ARHGEF11: variants seen among roughly 807,000 people sequenced by gnomAD.
The protein encoded by ARHGEF11 is Rho guanine exchange factor (GEF) 11.
Under a neutral mutation model 193.7 loss-of-function variants are expected in ARHGEF11, and 55 were observed. The observed-to-expected ratio is 0.28, with a 90% CI of 0.23 to 0.36. The LOEUF is 0.36. Ranked by LOEUF, ARHGEF11 falls within the 10% of genes least tolerant of loss-of-function variation. ARHGEF11 has a pLI of 1.00. For synonymous variants in ARHGEF11, 693 were observed against 768.0 expected (o/e 0.90, Z 1.62); for missense variants, 1,723 against 2,005.6 (o/e 0.86, Z 2.69).
intron 1 of ARHGEF11, among the ~76,000 whole-genome samples, chr1:157,041,776 G>C (rs1482319295): frequency 6.6e-6 from 1 of 152,210 alleles, no homozygotes; most frequent in Non-Finnish European, 1.5e-5. Context: ...GTCCCTGCTT[G>C]TGAGGGGCTT....
chr1:156,966,541 A>C (rs1449578098), intron 11 of ARHGEF11, among the ~76,000 whole-genome samples: 1 of 152,206 alleles, frequency 6.6e-6, no homozygotes, highest in Non-Finnish European at 1.5e-5. Context: ...CACCTGTTTA[A>C]CTCCTGACAC....
At position 156,991,710 on chromosome 1, in the gene ARHGEF11, A is replaced by ATTT. The variant is rs57140356; in HGVS notation, c.33-5540_33-5538dup. ...TTAGGGTTTTCTTTTTTTCAAGCTTATTTTTTTTTTTTTTTTTTTTTTTTG... is the reference window on the plus strand; with the variant it reads ...TTAGGGTTTTCTTTTTTTCAAGCTTATTTTTTTTTTTTTTTTTTTTTTTTTTTG... On this transcript the variant is annotated intron_variant, in intron 1 of 40. Coordinates refer to ENST00000368194, the MANE Select transcript of ARHGEF11 (RefSeq NM_198236.3). Among the ~76,000 whole-genome samples the ATTT allele has an allele frequency of 8.6e-3, 719 of 83,938 alleles. 27 individuals carry two copies. The highest frequency in any genetic ancestry group is 0.013 in the East Asian group (40 of 3,080). The allele number at this position is 83,938 out of a possible 152,430, so 55.1% of individuals were successfully genotyped here.
intron 1 of ARHGEF11, among the ~76,000 whole-genome samples, chr1:157,028,404 A>G (rs897950499): frequency 2.6e-5 from 4 of 152,152 alleles, no homozygotes; most frequent in Admixed American, 1.3e-4. Flanking sequence ...TTTTTTTCTC[A>G]TGTTCCAAAG....
chr1:156,954,587 G>C (rs1207668683), intron 21 of ARHGEF11, among the ~76,000 whole-genome samples: 2 of 152,180 alleles, frequency 1.3e-5, no homozygotes, highest in South Asian at 4.1e-4. Flanking sequence ...TCTAGTCTTG[G>C]CCAGAACTAC....
chr1:157,010,418 T>G (rs190137183), intron 1 of ARHGEF11, among the ~76,000 whole-genome samples: 1 of 151,810 alleles, frequency 6.6e-6, no homozygotes, highest in Admixed American at 6.6e-5. Context: ...ATATGAAAAA[T>G]TGCATTTCTT....
In ARHGEF11 at chr1:157,044,437, T is replaced by G. The variant is rs1673130789; in HGVS notation, c.-107A>C. 1 of 1,014,356 alleles carries G rather than the reference T, an allele frequency of 9.9e-7. No individual in the cohort carries two copies. Among genetic ancestry groups the G allele is most frequent in the Non-Finnish European group, 1.6e-6 (1 of 639,286 alleles). 62.8% of individuals were successfully genotyped at this position (1,014,356 alleles called of 1,614,324 possible). On this transcript the variant is annotated 5_prime_UTR_variant, in exon 1 of 41. Transcript: ENST00000368194. ...AAGGTGAGAGGAGGGCCTCCCAACT[T>G]GAAGATAGAATCCTTTCTCCTCCAG...
At chr1:156,981,689 G>A (rs1239450816) in intron 3 of ARHGEF11, among the ~76,000 whole-genome samples, 2 of 152,142 alleles carry the variant, frequency 1.3e-5, no homozygotes, top group Admixed American at 1.3e-4. Flanking sequence ...GCCCAGGCTG[G>A]TCTTGGAACT....
In ARHGEF11 at chr1:156,939,630, C is replaced by A; in HGVS notation, c.4014G>T (p.Trp1338Cys). The change falls in exon 37 of 41, where the codon TGG (tryptophan) becomes TGT (cysteine). Residue 1338 changes from tryptophan (W) to cysteine (C), a missense_variant. Trp to Cys is a radical substitution (Grantham distance 215). Coordinates refer to ENST00000368194, the MANE Select transcript of ARHGEF11 (RefSeq NM_198236.3). ...GATTCCTGTCCAGTTCTGGAGACTC[C>A]CATATCCCAGAATTTCTGGTCCTTG... ...LPPRTRNSGIWESPELDRNLA... is the reference protein window; with the variant it reads ...LPPRTRNSGICESPELDRNLA... 6.2e-7 allele frequency: 1 copy of A among 1,613,722 alleles called. No homozygotes were observed. The highest frequency in any genetic ancestry group is 8.5e-7 in the Non-Finnish European group (1 of 1,180,026).
upstream of ARHGEF11, among the ~76,000 whole-genome samples, chr1:157,046,293 C>T (rs1673322747): frequency 6.6e-6 from 1 of 151,874 alleles, no homozygotes; most frequent in African/African-American, 2.4e-5. Flanking sequence ...GCTTTTCCCC[C>T]TTTTATTGAC....
At chr1:157,041,970 C>T (rs753683031) in intron 1 of ARHGEF11, among the ~76,000 whole-genome samples, 7 of 152,162 alleles carry the variant, frequency 4.6e-5, no homozygotes, top group Admixed American at 2.0e-4. Context: ...CTCCATAATC[C>T]GCAGCGTATT....
chr1:156,989,008 T>C (rs1441357545), intron 1 of ARHGEF11, among the ~76,000 whole-genome samples: 1 of 152,048 alleles, frequency 6.6e-6, no homozygotes, highest in Non-Finnish European at 1.5e-5. Flanking sequence ...GGAGGGTAGT[T>C]TGGCCTGAAA....
At chr1:156,988,068 C>G (rs1423140373) in intron 1 of ARHGEF11, among the ~76,000 whole-genome samples, 1 of 152,224 alleles carries the variant, frequency 6.6e-6, no homozygotes, top group African/African-American at 2.4e-5. Context: ...CCATTCGCCA[C>G]AGCATCTAAC....
At chr1:156,982,334 C>T (rs16837910) in intron 3 of ARHGEF11, among the ~76,000 whole-genome samples, 4,052 of 152,102 alleles carry the variant, frequency 0.027, 190 homozygotes, top group African/African-American at 0.093. Flanking sequence ...TCAGTGCTTC[C>T]GAGGTCAGCC....
chr1:156,937,395 C>T lies in ARHGEF11; in HGVS notation c.4294G>A (p.Gly1432Arg), dbSNP rs1655685337. 6.2e-7 allele frequency: 1 copy of T among 1,600,314 alleles called. No individual in the cohort carries two copies. The highest frequency in any genetic ancestry group is 1.3e-5 in the African/African-American group (1 of 74,590). Residue 1432 changes from glycine to arginine, a missense_variant, in exon 39 of 41, where the codon GGG becomes AGG. Coordinates refer to ENST00000368194, the MANE Select transcript of ARHGEF11 (RefSeq NM_198236.3). ...SPPQPDSLPA[G>R]QTEPQPQLQG... ...AGCTGAGGCTGAGGCTCTGTCTGCC[C>T]TGCAGGGAGGCTGTCAGGCTGAGGG...
chr1:157,016,034 G>A lies in ARHGEF11; in HGVS notation c.32+28265C>T, dbSNP rs368182488. Among the ~76,000 whole-genome samples the A allele has an allele frequency of 7.9e-5, 12 of 152,106 alleles. No individual in the cohort carries two copies. In the East Asian group the frequency reaches 9.7e-4, roughly 12 times the overall value. ...GTGGATATCTCTAAGATTTTAATCCGTAATGAAACAACAAAAGAACAGTAG... is the reference window on the plus strand; with the variant it reads ...GTGGATATCTCTAAGATTTTAATCCATAATGAAACAACAAAAGAACAGTAG... On this transcript the variant is annotated intron_variant, in intron 1 of 40. Transcript: ENST00000368194.
chr1:157,014,359 T>C (rs900435857), intron 1 of ARHGEF11, among the ~76,000 whole-genome samples: 1 of 152,174 alleles, frequency 6.6e-6, no homozygotes, highest in Admixed American at 6.5e-5. Context: ...CTAATTGTAT[T>C]GGCTCTTTCT....
At chr1:156,937,624 G>T in intron 38 of ARHGEF11, 128 bp from the exon 39 acceptor site, 1 of 1,010,520 alleles carries the variant, frequency 9.9e-7, no homozygotes. Flanking sequence ...CAAACTCAGA[G>T]AACGTGGGCC....
rs1557991964 is a variant in ARHGEF11 at position 157,036,194 on chromosome 1, TGAATATATATAC to T, written c.32+8093_32+8104del. On this transcript the variant is annotated intron_variant, in intron 1 of 40. Coordinates refer to ENST00000368194, the MANE Select transcript of ARHGEF11 (RefSeq NM_198236.3). ...ATGAATACATATATGAATACATATA[TGAATATATATAC>T]ATATATATATATGGCTGATTAATCA... Among the ~76,000 whole-genome samples, 89 of 115,002 alleles carry T rather than the reference TGAATATATATAC, an allele frequency of 7.7e-4. 1 individual carries two copies. The highest frequency in any genetic ancestry group is 1.1e-3 in the Non-Finnish European group (58 of 52,580). The allele number at this position is 115,002 out of a possible 152,430, so 75.4% of individuals were successfully genotyped here.
intron 21 of ARHGEF11, among the ~76,000 whole-genome samples, chr1:156,953,778 G>C (rs1659477555): frequency 2.0e-5 from 3 of 152,164 alleles, no homozygotes; most frequent in Non-Finnish European, 4.4e-5. Context: ...GCTCAATTCT[G>C]TGACAATTCA....
Sources: gnomAD v4.1 joint callset for allele counts (sites outside exome capture counted in the v4.1 genomes callset) on GRCh38, gnomAD v4.1.1 for gene constraint, MANE v1.5 for transcripts, NCBI Gene and HGNC (gene_info 2026-07-23, HGNC 2026-07-21) for gene names.